Variants in CYP7B1 observed in about 807,000 individuals in gnomAD.
The protein encoded by CYP7B1 is cytochrome P450 7B1.
CYP7B1 carries 29 observed loss-of-function variants against 42.7 expected under a neutral mutation model. The observed-to-expected ratio is 0.68, with a 90% CI of 0.51 to 0.93. The LOEUF is 0.93. Among genes scored for constraint, CYP7B1 ranks in the 40% least tolerant of loss-of-function variants. The pLI is 0.00. For synonymous variants in CYP7B1, 235 were observed against 218.2 expected (o/e 1.08, Z -0.68); for missense variants, 655 against 600.5 (o/e 1.09, Z -0.95).
At chr8:64,597,340 A>G (rs985464723) in intron 5 of CYP7B1, among the ~76,000 whole-genome samples, 18 of 152,286 alleles carry the variant, frequency 1.2e-4, no homozygotes, top group Middle Eastern at 3.4e-3. Flanking sequence ...CTAACTAGCC[A>G]CAGGAGCTGC....
intron 1 of CYP7B1, among the ~76,000 whole-genome samples, chr8:64,797,700 T>C (rs902023370): frequency 2.0e-5 from 3 of 152,174 alleles, no homozygotes; most frequent in Non-Finnish European, 4.4e-5. Context: ...ATATCAATTA[T>C]CATCCAACAA....
chr8:64,689,005 A>C (rs1806698669), intron 1 of CYP7B1, among the ~76,000 whole-genome samples: 1 of 152,240 alleles, frequency 6.6e-6, no homozygotes, highest in African/African-American at 2.4e-5. Context: ...ATTAAGTTTA[A>C]ATATCCTTCC....
chr8:64,634,762 G>A (rs1224228670), intron 1 of CYP7B1, among the ~76,000 whole-genome samples: 1 of 152,040 alleles, frequency 6.6e-6, no homozygotes, highest in African/African-American at 2.4e-5. Flanking sequence ...GAATCAGCCT[G>A]AAATTCACCA....
intron 1 of CYP7B1, among the ~76,000 whole-genome samples, chr8:64,756,213 C>T (rs9650212): frequency 0.11 from 16,102 of 152,142 alleles, 1,140 homozygotes; most frequent in Non-Finnish European, 0.16. Context: ...TCTTGGTCTT[C>T]AATGTGGAGG....
chr8:64,787,745 T>C (rs1274697689), intron 1 of CYP7B1, among the ~76,000 whole-genome samples: 1 of 152,204 alleles, frequency 6.6e-6, no homozygotes, highest in Non-Finnish European at 1.5e-5. Flanking sequence ...GCCAATCTAC[T>C]GTATTAGTCC....
intron 1 of CYP7B1, among the ~76,000 whole-genome samples, chr8:64,782,066 C>T (rs1216168200): frequency 6.6e-6 from 1 of 152,110 alleles, no homozygotes; most frequent in African/African-American, 2.4e-5. Context: ...TCTCAAAAGT[C>T]ACCATTTGTA....
chr8:64,603,002 A>C (rs566162671), intron 5 of CYP7B1, among the ~76,000 whole-genome samples: 63 of 152,330 alleles, frequency 4.1e-4, no homozygotes, highest in African/African-American at 1.5e-3. Context: ...ATGGCGTGAC[A>C]ATAAATTAGT....
chr8:64,745,238 C>T (rs1360502795), intron 1 of CYP7B1, among the ~76,000 whole-genome samples: 1 of 152,180 alleles, frequency 6.6e-6, no homozygotes, highest in East Asian at 1.9e-4. Flanking sequence ...CTTCCATTTG[C>T]TCTCTGCATA....
intron 1 of CYP7B1, among the ~76,000 whole-genome samples, chr8:64,638,368 A>G (rs552108120): frequency 5.2e-4 from 79 of 152,206 alleles, no homozygotes; most frequent in African/African-American, 1.8e-3. Context: ...AGTTAAATGA[A>G]TGAGATTTTG....
chr8:64,768,120 C>T (rs1469964624), intron 1 of CYP7B1, among the ~76,000 whole-genome samples: 1 of 152,130 alleles, frequency 6.6e-6, no homozygotes, highest in Non-Finnish European at 1.5e-5. Flanking sequence ...CCTTTAAACA[C>T]GGGGCTTGTA....
At chr8:64,603,929 G>A (rs1034196956) in intron 5 of CYP7B1, among the ~76,000 whole-genome samples, 19 of 152,112 alleles carry the variant, frequency 1.2e-4, no homozygotes, top group African/African-American at 4.6e-4. Flanking sequence ...TTTGAAAAAA[G>A]GCATTTTACA....
intron 1 of CYP7B1, among the ~76,000 whole-genome samples, chr8:64,631,003 T>C (rs1251952166): frequency 1.3e-5 from 2 of 152,190 alleles, no homozygotes; most frequent in Admixed American, 6.5e-5. Flanking sequence ...GATAGTCTCA[T>C]TGGTGAATTC....
chr8:64,603,111 A>C (rs990835230), intron 5 of CYP7B1, among the ~76,000 whole-genome samples: 2 of 152,240 alleles, frequency 1.3e-5, no homozygotes, highest in Admixed American at 6.5e-5. Flanking sequence ...AATGATGCTA[A>C]ATCAGTATTC....
chr8:64,630,154 G>A (rs187096466), intron 1 of CYP7B1, among the ~76,000 whole-genome samples: 1 of 151,952 alleles, frequency 6.6e-6, no homozygotes, highest in African/African-American at 2.4e-5. Context: ...GAAAGGAAGT[G>A]GGGGGAAAGA....
chr8:64,777,590 A>G (rs1442115180), intron 1 of CYP7B1, among the ~76,000 whole-genome samples: 4 of 152,110 alleles, frequency 2.6e-5, no homozygotes, highest in Non-Finnish European at 5.9e-5. Flanking sequence ...TCACATTGTC[A>G]TTACAACTTT....
intron 1 of CYP7B1, among the ~76,000 whole-genome samples, chr8:64,632,244 A>C (rs1353450400): frequency 1.3e-5 from 2 of 152,190 alleles, no homozygotes; most frequent in East Asian, 3.8e-4. Flanking sequence ...TCCAGCCTTA[A>C]AAAAGGAAAT....
intron 1 of CYP7B1, among the ~76,000 whole-genome samples, chr8:64,731,093 A>G (rs894348860): frequency 3.3e-5 from 5 of 151,960 alleles, no homozygotes; most frequent in African/African-American, 1.2e-4. Context: ...AGTTAATTAA[A>G]CCTCTTTTCT....
rs1563416469 is a variant in CYP7B1, at chr8:64,755,417, TTTTA to T, written c.122+43045_122+43048del. The stretch of plus-strand genomic sequence containing the variant: ...CAGAGTCCGGCAATTTATTTTTATT[TTTTA>T]TTTATTTATTTTTTTGAGATGGAAT... On this transcript the variant is annotated intron_variant, in intron 1 of 5. Transcript: ENST00000310193. Among the ~76,000 whole-genome samples the T allele has an allele frequency of 2.0e-5, 3 of 152,226 alleles. 1 individual carries two copies. Among genetic ancestry groups the T allele is most frequent in the Middle Eastern group, 6.8e-3 (2 of 294 alleles).
intron 1 of CYP7B1, among the ~76,000 whole-genome samples, chr8:64,793,938 T>TAAA (rs1217672509): frequency 6.7e-6 from 1 of 150,344 alleles, no homozygotes; most frequent in East Asian, 2.0e-4. Context: ...CAACCTAGCA[T>TAAA]TTCCACAGAA....
Sources: gnomAD v4.1 joint callset for allele counts (sites outside exome capture counted in the v4.1 genomes callset) on GRCh38, gnomAD v4.1.1 for gene constraint, MANE v1.5 for transcripts, NCBI Gene and HGNC (gene_info 2026-07-23, HGNC 2026-07-21) for gene names.